The following ELMO1 variants were observed in gnomAD, a reference collection of about 807,000 sequenced individuals.
ELMO1 encodes engulfment and cell motility protein 1.
ELMO1 carries 26 observed loss-of-function variants against 98.9 expected under a neutral mutation model. The ratio of observed to expected loss-of-function variants is 0.26; its 90% CI spans 0.19 to 0.36. ELMO1 has a LOEUF of 0.36. Among genes scored for constraint, ELMO1 ranks in the 10% least tolerant of loss-of-function variants. ELMO1 has a pLI of 1.00. For missense variants in ELMO1, 627 were observed against 935.2 expected (o/e 0.67, Z 4.30); for synonymous variants, 346 against 346.0 (o/e 1.00, Z 0.00).
At chr7:36,950,336 C>T (rs1787867653) in intron 16 of ELMO1, among the ~76,000 whole-genome samples, 1 of 152,232 alleles carries the variant, frequency 6.6e-6, no homozygotes, top group Non-Finnish European at 1.5e-5. Flanking sequence ...ACCAGCCCAC[C>T]TTCTCTGCAG....
intron 16 of ELMO1, among the ~76,000 whole-genome samples, chr7:36,895,281 A>G (rs1221064244): frequency 2.0e-5 from 3 of 152,236 alleles, no homozygotes; most frequent in Non-Finnish European, 4.4e-5. Context: ...GGTGTACTCC[A>G]CTTGCTTGAC....
Position 37,213,235 on chromosome 7 carries a change from A to G in ELMO1, c.954+100T>C, listed in dbSNP as rs1217812362. 2.8e-6 allele frequency: 4 copies of G among 1,448,058 alleles called. No individual in the cohort carries two copies. In the African/African-American group the frequency reaches 4.3e-5, roughly 15 times the overall value. The allele number at this position is 1,448,058 out of a possible 1,614,324, so 89.7% of individuals were successfully genotyped here. ...GATGATAATAAAATGACATCATATC[A>G]AACTCTGAAACTCCCTAGTTTCAGG... On this transcript the variant is annotated intron_variant, in intron 12 of 21. Transcript: ENST00000310758.
At chr7:36,866,327 CCCA>C in intron 20 of ELMO1, among the ~76,000 whole-genome samples, 1 of 152,336 alleles carries the variant, frequency 6.6e-6, no homozygotes, top group East Asian at 1.9e-4. Flanking sequence ...GTGTGAAGAA[CCCA>C]CCATTTCTTG....
intron 16 of ELMO1, among the ~76,000 whole-genome samples, chr7:36,914,508 T>C (rs1784552989): frequency 6.7e-6 from 1 of 150,050 alleles, no homozygotes; most frequent in Non-Finnish European, 1.5e-5. Flanking sequence ...ATGAAATGAA[T>C]GTACATTCTT....
chr7:37,186,218 C>A (rs996193409), intron 13 of ELMO1, among the ~76,000 whole-genome samples: 1 of 152,094 alleles, frequency 6.6e-6, no homozygotes, highest in African/African-American at 2.4e-5. Context: ...GAAGAGAGAA[C>A]AGTTTTCAGC....
intron 1 of ELMO1, among the ~76,000 whole-genome samples, chr7:37,402,299 T>TA (rs1268677288): frequency 6.6e-6 from 1 of 152,120 alleles, no homozygotes; most frequent in African/African-American, 2.4e-5. Context: ...GAGCAGAAAT[T>TA]AGAGAGACTC....
chr7:36,947,050 G>A (rs1787552516), intron 16 of ELMO1, among the ~76,000 whole-genome samples: 1 of 152,110 alleles, frequency 6.6e-6, no homozygotes, highest in African/African-American at 2.4e-5. Flanking sequence ...CTGAGGTTTG[G>A]ACTTCTATTG....
chr7:37,144,851 T>C (rs543052534), intron 13 of ELMO1, among the ~76,000 whole-genome samples: 1 of 152,332 alleles, frequency 6.6e-6, no homozygotes, highest in African/African-American at 2.4e-5. Flanking sequence ...TTCTTTTCTG[T>C]TACCTGCCTG....
At chr7:37,112,222 T>C (rs1785291491) in intron 14 of ELMO1, among the ~76,000 whole-genome samples, 1 of 152,102 alleles carries the variant, frequency 6.6e-6, no homozygotes, top group Non-Finnish European at 1.5e-5. Flanking sequence ...GCTCAAAAAT[T>C]TCATGTTAAG....
intron 15 of ELMO1, among the ~76,000 whole-genome samples, chr7:37,059,707 TTTTC>T (rs1243045650): frequency 6.6e-6 from 1 of 152,184 alleles, no homozygotes; most frequent in African/African-American, 2.4e-5. Flanking sequence ...GAGGTTTCTT[TTTTC>T]TTTATTATTG....
At chr7:37,017,711 G>T (rs1178703392) in intron 15 of ELMO1, among the ~76,000 whole-genome samples, 1 of 152,200 alleles carries the variant, frequency 6.6e-6, no homozygotes, top group Non-Finnish European at 1.5e-5. Flanking sequence ...ACACTGTGGA[G>T]ACACCACAGC....
At chr7:37,247,491 C>A (rs1463677843) in intron 6 of ELMO1, among the ~76,000 whole-genome samples, 2 of 152,162 alleles carry the variant, frequency 1.3e-5, no homozygotes, top group Non-Finnish European at 2.9e-5. Context: ...CTCAGCTCCT[C>A]AACTGTGACT....
At chr7:37,345,985 T>C (rs746612779) in intron 1 of ELMO1, among the ~76,000 whole-genome samples, 3 of 133,656 alleles carry the variant, frequency 2.2e-5, no homozygotes, top group Non-Finnish European at 4.7e-5. Flanking sequence ...CAAGACTCCA[T>C]CTAAAAAAAA....
At chr7:36,991,878 T>C (rs551223711) in intron 16 of ELMO1, among the ~76,000 whole-genome samples, 10 of 152,160 alleles carry the variant, frequency 6.6e-5, no homozygotes, top group African/African-American at 2.2e-4. Flanking sequence ...GACATTCAGA[T>C]AACATGTCTC....
intron 4 of ELMO1, among the ~76,000 whole-genome samples, chr7:37,281,339 C>G (rs1025554217): frequency 2.0e-5 from 3 of 152,082 alleles, no homozygotes; most frequent in Non-Finnish European, 4.4e-5. Context: ...AAAGAACTTA[C>G]TCATGTAACC....
rs777731347 is a variant in ELMO1, at chr7:36,861,677, G to A, written c.1965C>T (p.Ile655=). Residue 655 remains isoleucine, a synonymous_variant, in exon 21 of 22, where the codon ATC becomes ATT. Transcript: ENST00000310758. ...CCCTTACCTCATGCTTGTCAGGAGC[G>A]ATGAAGTTCAGTTGGCAGTTTGAGT... ...LYDSNCQLNF[I]APDKHEYCIW... is the part of the protein sequence containing the mutation. 1.9e-5 allele frequency: 30 copies of A among 1,611,990 alleles called. No homozygotes were observed. Among genetic ancestry groups the A allele is most frequent in the South Asian group, 3.3e-5 (3 of 90,982 alleles).
At position 37,424,323 on chromosome 7, in the gene ELMO1, A is replaced by G. The variant is rs1804618086; in HGVS notation, c.-74+24352T>C. Among the ~76,000 whole-genome samples, 4 of 152,198 alleles carry G rather than the reference A, an allele frequency of 2.6e-5. No individual in the cohort carries two copies. The South Asian group carries it at 8.3e-4, about 32-fold the overall frequency. On this transcript the variant is annotated intron_variant, in intron 1 of 21. Coordinates refer to ENST00000310758, the MANE Select transcript of ELMO1 (RefSeq NM_014800.11). Reference sequence around the variant, plus strand: ...TGTACGAACATTAGCCAGTTTTCCTATGCTAGAAACAAATAATGCAAAGAA... The same window carrying G: ...TGTACGAACATTAGCCAGTTTTCCTGTGCTAGAAACAAATAATGCAAAGAA...
chr7:37,049,118 A>T (rs2129202314), intron 15 of ELMO1, among the ~76,000 whole-genome samples: 1 of 152,138 alleles, frequency 6.6e-6, no homozygotes, highest in South Asian at 2.1e-4. Flanking sequence ...ATGTTTTAAG[A>T]GCGACCACCC....
intron 16 of ELMO1, among the ~76,000 whole-genome samples, chr7:36,955,455 C>T (rs1788366918): frequency 6.6e-6 from 1 of 152,176 alleles, no homozygotes. Flanking sequence ...TGAAAACATC[C>T]ACCAGATAAA....
Sources: gnomAD v4.1 joint callset for allele counts (sites outside exome capture counted in the v4.1 genomes callset) on GRCh38, gnomAD v4.1.1 for gene constraint, MANE v1.5 for transcripts, NCBI Gene and HGNC (gene_info 2026-07-23, HGNC 2026-07-21) for gene names.